MTO1: variants seen among roughly 807,000 people sequenced by gnomAD.
MTO1 encodes mitochondrial tRNA translation optimization 1.
MTO1 carries 46 observed loss-of-function variants against 71.6 expected under a neutral mutation model. That is an observed-to-expected ratio of 0.64 (90% CI 0.51 to 0.82). The LOEUF (loss-of-function observed/expected upper bound fraction) is 0.82, where lower values mean the gene tolerates loss of function less well. Among genes scored for constraint, MTO1 ranks in the 40% least tolerant of loss-of-function variants. The pLI, the probability that MTO1 is intolerant of heterozygous loss-of-function variation, is 0.00. For synonymous variants in MTO1, 297 were observed against 312.1 expected (o/e 0.95, Z 0.51); for missense variants, 773 against 867.5 (o/e 0.89, Z 1.37).
In MTO1 at chr6:73,462,251, A is replaced by G. The variant is rs1362295899; in HGVS notation, c.217+180A>G. On this transcript the variant is annotated intron_variant, in intron 1 of 11. Transcript: ENST00000498286. ...CAGGCGGGCCAGGCCAGAACTCTAT[A>G]TTAGTCTATTCTGCGAACCATAGAT... 4.6e-6 allele frequency: 3 copies of G among 650,256 alleles called. No homozygotes were observed. The African/African-American group carries it at 5.5e-5, about 12-fold the overall frequency. The allele number at this position is 650,256 out of a possible 1,614,324, so 40.3% of individuals were successfully genotyped here.
At position 73,503,630 on chromosome 6, in the gene MTO1, A is replaced by G. The variant is rs987690126; in HGVS notation, c.*2895A>G. The stretch of plus-strand genomic sequence containing the variant: ...AATCAGCTGCCAACGAAAGCTGGCC[A>G]TACTTGTGACTTCCTCTATTCACCA... On this transcript the variant is annotated 3_prime_UTR_variant, in exon 12 of 12. Coordinates refer to ENST00000498286, the MANE Select transcript of MTO1 (RefSeq NM_012123.4). 3 of 152,252 alleles carry G rather than the reference A, an allele frequency of 2.0e-5. No homozygotes were observed. The highest frequency in any genetic ancestry group is 4.4e-5 in the Non-Finnish European group (3 of 68,050). The allele number at this position is 152,252 out of a possible 1,614,324, so 9.4% of individuals were successfully genotyped here.
At chr6:73,477,983 G>T (rs1002342952) in intron 4 of MTO1, among the ~76,000 whole-genome samples, 1 of 152,038 alleles carries the variant, frequency 6.6e-6, no homozygotes, top group African/African-American at 2.4e-5. Context: ...TGGCATGGTG[G>T]CTCACACCTG....
At chr6:73,498,806 C>A (rs1469768581) in intron 11 of MTO1, among the ~76,000 whole-genome samples, 1 of 151,834 alleles carries the variant, frequency 6.6e-6, no homozygotes, top group Non-Finnish European at 1.5e-5. Context: ...CTCACTGCAA[C>A]CTCTGCCTCC....
chr6:73,471,401 T>C (rs1718035449), intron 3 of MTO1: 2 of 449,994 alleles, frequency 4.4e-6, no homozygotes, highest in Non-Finnish European at 8.9e-6. Flanking sequence ...TATTTATGTT[T>C]ATACCCTTAA....
chr6:73,473,308 A>G, intron 3 of MTO1, 57 bp from the exon 4 acceptor site: 1 of 1,454,716 alleles, frequency 6.9e-7, no homozygotes, highest in Non-Finnish European at 9.3e-7. Flanking sequence ...AGATACATAG[A>G]TACATAAATA....
chr6:73,476,394 AAAAG>A (rs1430623412), intron 4 of MTO1, among the ~76,000 whole-genome samples: 5 of 151,204 alleles, frequency 3.3e-5, no homozygotes, highest in South Asian at 2.1e-4. Flanking sequence ...AAAAAAAAAA[AAAAG>A]AAAGTTAACC....
At chr6:73,493,885 C>G (rs1561952853) in intron 10 of MTO1, among the ~76,000 whole-genome samples, 1 of 152,066 alleles carries the variant, frequency 6.6e-6, no homozygotes, top group Non-Finnish European at 1.5e-5. Flanking sequence ...CCACAGGTGT[C>G]TCTGGTAGTT....
At position 73,501,491 on chromosome 6, in the gene MTO1, G is replaced by T. The variant is rs898228326; in HGVS notation, c.*756G>T. On this transcript the variant is annotated 3_prime_UTR_variant, in exon 12 of 12. Coordinates refer to ENST00000498286, the MANE Select transcript of MTO1 (RefSeq NM_012123.4). The stretch of plus-strand genomic sequence containing the variant: ...ATGGCCATCATTTCTTAATAATGAA[G>T]ACAGGTCCATAGTAACTGGTGAGTG... 1 of 152,126 alleles carries T rather than the reference G, an allele frequency of 6.6e-6. No individual in the cohort carries two copies. The highest frequency in any genetic ancestry group is 2.4e-5 in the African/African-American group (1 of 41,450). 9.4% of individuals were successfully genotyped at this position (152,126 alleles called of 1,614,324 possible). A position where few individuals can be genotyped will look rare whatever the true frequency, so the allele number is the denominator to read the frequency against.
Position 73,500,890 on chromosome 6 carries a change from G to C in MTO1, c.*155G>C, listed in dbSNP as rs1772142924. On this transcript the variant is annotated 3_prime_UTR_variant, in exon 12 of 12. Transcript: ENST00000498286. Reference sequence around the variant, plus strand: ...TGAGTGGGACAGAAATTATAATTGTGCTTTTTCGTGTATATGAAAAAACTA... The same window carrying C: ...TGAGTGGGACAGAAATTATAATTGTCCTTTTTCGTGTATATGAAAAAACTA... The C allele has an allele frequency of 1.7e-6, 1 of 576,270 alleles. No homozygotes were observed. The highest frequency in any genetic ancestry group is 6.5e-5 in the South Asian group (1 of 15,358). The allele number at this position is 576,270 out of a possible 1,614,324, so 35.7% of individuals were successfully genotyped here. A position where few individuals can be genotyped will look rare whatever the true frequency, so the allele number is the denominator to read the frequency against.
In MTO1 at chr6:73,506,367, C is replaced by T. The variant is rs1772287183; in HGVS notation, c.*5632C>T. Reference sequence around the variant, plus strand: ...TGAACTGTATCTCTCAGAATTCCCACATGTTGTGGGAGGGACCCACAGGGA... The same window carrying T: ...TGAACTGTATCTCTCAGAATTCCCATATGTTGTGGGAGGGACCCACAGGGA... On this transcript the variant is annotated 3_prime_UTR_variant, in exon 12 of 12. Transcript: ENST00000498286. 1 of 152,216 alleles carries T rather than the reference C, an allele frequency of 6.6e-6. No individual in the cohort carries two copies. The highest frequency in any genetic ancestry group is 1.5e-5 in the Non-Finnish European group (1 of 68,100). The allele number at this position is 152,216 out of a possible 1,614,324, so 9.4% of individuals were successfully genotyped here. A position where few individuals can be genotyped will look rare whatever the true frequency, so the allele number is the denominator to read the frequency against.
At position 73,473,584 on chromosome 6, in the gene MTO1, T is replaced by G. The variant is rs1251445012; in HGVS notation, c.755T>G (p.Ile252Ser). The change falls in exon 4 of 12, where the codon ATT (isoleucine) becomes AGT (serine). Residue 252 changes from isoleucine (I) to serine (S), a missense_variant. Transcript: ENST00000498286. ...RIAKESINFS[I>S]LNKHIPDNPS... ...GCCAAAGAGTCCATTAATTTCAGTATTCTAAACAAGCATATACCGGACAAT... is the reference window on the plus strand; with the variant it reads ...GCCAAAGAGTCCATTAATTTCAGTAGTCTAAACAAGCATATACCGGACAAT... 1.2e-6 allele frequency: 2 copies of G among 1,614,020 alleles called. No homozygotes were observed. The highest frequency in any genetic ancestry group is 4.5e-5 in the East Asian group (2 of 44,884).
chr6:73,490,079 A>C (rs1582694735), intron 9 of MTO1, among the ~76,000 whole-genome samples: 2 of 152,238 alleles, frequency 1.3e-5, no homozygotes, highest in African/African-American at 4.8e-5. Flanking sequence ...TGGCTGCGTA[A>C]ATGTCTTCTT....
intron 10 of MTO1, among the ~76,000 whole-genome samples, chr6:73,493,336 TA>T (rs2150042844): frequency 7.2e-6 from 1 of 138,774 alleles, no homozygotes; most frequent in Non-Finnish European, 1.5e-5. Flanking sequence ...CAGTACCACT[TA>T]TTTGAAATGT....
At chr6:73,473,702 A>C in intron 4 of MTO1, 48 bp downstream of exon 4, 2 of 1,460,902 alleles carry the variant, frequency 1.4e-6, no homozygotes, top group Non-Finnish European at 1.9e-6. Context: ...TTGGCTATTC[A>C]CAGCAGGAAG....
chr6:73,497,593 T>C, intron 10 of MTO1, 143 bp from the exon 11 acceptor site: 1 of 744,542 alleles, frequency 1.3e-6, no homozygotes, highest in Non-Finnish European at 2.1e-6. Flanking sequence ...AGGGAACACC[T>C]ACCCAACCCA....
chr6:73,500,581 C>A lies in MTO1; in HGVS notation c.1925C>A (p.Ala642Asp). 6.2e-7 allele frequency: 1 copy of A among 1,611,704 alleles called. No individual in the cohort carries two copies. The highest frequency in any genetic ancestry group is 8.5e-7 in the Non-Finnish European group (1 of 1,179,216). Residue 642 changes from alanine (A) to aspartate (D), a missense_variant, in exon 12 of 12, where the codon GCT becomes GAT. Ala to Asp is a moderately radical substitution (Grantham distance 126, BLOSUM62 -2). Coordinates refer to ENST00000498286, the MANE Select transcript of MTO1 (RefSeq NM_012123.4). Reference protein sequence around the residue: ...LHFSRPQTIGAASRIPGVTPA... With the variant: ...LHFSRPQTIGDASRIPGVTPA... ...TGTGGTATTGATTTTTAGATCGGGG[C>A]TGCTAGTCGCATACCCGGAGTAACA...
chr6:73,487,009 C>T (rs1771670787), intron 9 of MTO1, among the ~76,000 whole-genome samples: 1 of 151,712 alleles, frequency 6.6e-6, no homozygotes, highest in Non-Finnish European at 1.5e-5. Flanking sequence ...TAACATGTAA[C>T]AGGATTTTAT....
At chr6:73,473,686 C>G (rs1185119730) in intron 4 of MTO1, 32 bp downstream of exon 4, 1 of 1,524,198 alleles carries the variant, frequency 6.6e-7, no homozygotes, top group Non-Finnish European at 8.9e-7. Flanking sequence ...TGGCTTACAG[C>G]TGGTATTGGC....
chr6:73,473,515 G>C lies in MTO1; in HGVS notation c.686G>C (p.Gly229Ala), dbSNP rs1394044324. Residue 229 changes from glycine (G) to alanine (A), a missense_variant, in exon 4 of 12, where the codon GGG becomes GCG. Physicochemically the swap from Gly to Ala is moderately conservative, Grantham distance 60. Coordinates refer to ENST00000498286, the MANE Select transcript of MTO1 (RefSeq NM_012123.4). ...TTGGCTCAGACACTGGAGAAGTTAG[G>C]GTTTGTGGTGGGAAGGTTGAAGACT... Reference protein sequence around the residue: ...IGLAQTLEKLGFVVGRLKTGT... With the variant: ...IGLAQTLEKLAFVVGRLKTGT... 1 of 1,613,852 alleles carries C rather than the reference G, an allele frequency of 6.2e-7. No individual in the cohort carries two copies. The highest frequency in any genetic ancestry group is 2.2e-5 in the East Asian group (1 of 44,886).
Sources: gnomAD v4.1 joint callset for allele counts (sites outside exome capture counted in the v4.1 genomes callset) on GRCh38, gnomAD v4.1.1 for gene constraint, MANE v1.5 for transcripts, NCBI Gene and HGNC (gene_info 2026-07-23, HGNC 2026-07-21) for gene names.